LOC128092252: variants seen among roughly 807,000 people sequenced by gnomAD.
the LOC128092252 span, among the ~76,000 whole-genome samples, chr15:50,650,703 C>CA: frequency 0.16 from 23,800 of 148,280 alleles, 1,982 homozygotes; most frequent in African/African-American, 0.22. Context: ...TCAAAAAAAA[C>CA]AAAAAAAAAC....
chr15:50,657,869 G>A, the LOC128092252 span: 1 of 1,481,634 alleles, frequency 6.7e-7, no homozygotes, highest in Non-Finnish European at 9.3e-7. Flanking sequence ...AAAACTTTCT[G>A]ATTTTAAAGT....
chr15:50,654,073 C>A, the LOC128092252 span, among the ~76,000 whole-genome samples: 1 of 152,130 alleles, frequency 6.6e-6, no homozygotes, highest in Non-Finnish European at 1.5e-5. Context: ...AAGAATCTAT[C>A]AAAAATTAAT....
the LOC128092252 span, among the ~76,000 whole-genome samples, chr15:50,658,550 C>G: frequency 1.2e-4 from 17 of 143,738 alleles, no homozygotes; most frequent in African/African-American, 4.4e-4. Flanking sequence ...CCAGCCTGGG[C>G]GAAAGAGCGA....
At chr15:50,655,961 T>G in the LOC128092252 span, among the ~76,000 whole-genome samples, 7 of 149,812 alleles carry the variant, frequency 4.7e-5, no homozygotes, top group East Asian at 1.4e-3. Context: ...CTGTATGCCA[T>G]CTAGCCTGGG....
the LOC128092252 span, chr15:50,663,059 G>A: frequency 1.3e-6 from 2 of 1,598,298 alleles, no homozygotes; most frequent in Non-Finnish European, 1.7e-6. Context: ...AAAACAAAAT[G>A]TTTTAAAGAA....
the LOC128092252 span, among the ~76,000 whole-genome samples, chr15:50,650,888 T>C: frequency 2.0e-5 from 3 of 152,164 alleles, no homozygotes; most frequent in African/African-American, 4.8e-5. Context: ...TCAGCATGCA[T>C]GAAAAATTCC....
At chr15:50,649,858 A>C in the LOC128092252 span, among the ~76,000 whole-genome samples, 8 of 152,128 alleles carry the variant, frequency 5.3e-5, no homozygotes, top group Non-Finnish European at 1.0e-4. Context: ...TACAACGAGA[A>C]AGTTCCAAGT....
At chr15:50,671,026 T>G in the LOC128092252 span, among the ~76,000 whole-genome samples, 11 of 152,156 alleles carry the variant, frequency 7.2e-5, no homozygotes, top group Non-Finnish European at 1.6e-4. Flanking sequence ...ATCGAGCTAA[T>G]TATCATATAC....
At chr15:50,666,526 G>A in the LOC128092252 span, among the ~76,000 whole-genome samples, 2 of 151,896 alleles carry the variant, frequency 1.3e-5, no homozygotes, top group African/African-American at 2.4e-5. Flanking sequence ...AAAAGAGGCC[G>A]GGTGCAGTGG....
chr15:50,676,301 A>C, the LOC128092252 span, among the ~76,000 whole-genome samples: 1 of 152,216 alleles, frequency 6.6e-6, no homozygotes, highest in Non-Finnish European at 1.5e-5. Context: ...TGTGGAAATC[A>C]AATTTTTTTT....
the LOC128092252 span, among the ~76,000 whole-genome samples, chr15:50,669,750 T>C: frequency 6.6e-6 from 1 of 152,094 alleles, no homozygotes; most frequent in African/African-American, 2.4e-5. Flanking sequence ...CTTTCTCCTG[T>C]GAACCAATCA....
At chr15:50,663,870 G>GGAGGATCGCCTAAGCCGAGGAGGCT in the LOC128092252 span, among the ~76,000 whole-genome samples, 1 of 152,208 alleles carries the variant, frequency 6.6e-6, no homozygotes, top group Admixed American at 6.6e-5. Flanking sequence ...GTCTGAGGCA[G>GGAGGATCGCCTAAGCCGAGGAGGCT]GAGGATCGCC....
chr15:50,685,325 AT>A, the LOC128092252 span, among the ~76,000 whole-genome samples: 1 of 152,186 alleles, frequency 6.6e-6, no homozygotes. Context: ...TTAGCCGGGC[AT>A]GGTGGCTACA....
the LOC128092252 span, among the ~76,000 whole-genome samples, chr15:50,679,354 C>T: frequency 2.0e-5 from 3 of 149,104 alleles, no homozygotes; most frequent in Non-Finnish European, 3.0e-5. Flanking sequence ...AAACAGAAAA[C>T]TTGGACGCTT....
At chr15:50,684,554 T>G in the LOC128092252 span, among the ~76,000 whole-genome samples, 1 of 151,488 alleles carries the variant, frequency 6.6e-6, no homozygotes, top group African/African-American at 2.4e-5. Flanking sequence ...GGCAGGAGAA[T>G]CACTTGAACC....
the LOC128092252 span, among the ~76,000 whole-genome samples, chr15:50,653,030 G>A: frequency 6.6e-6 from 1 of 152,078 alleles, no homozygotes; most frequent in African/African-American, 2.4e-5. Flanking sequence ...ATGCACCTGT[G>A]GTCACAGTTA....
the LOC128092252 span, among the ~76,000 whole-genome samples, chr15:50,671,809 A>C: frequency 6.6e-6 from 1 of 152,058 alleles, no homozygotes; most frequent in Non-Finnish European, 1.5e-5. Flanking sequence ...GTCTCGAAAA[A>C]AAAAAATTCC....
the LOC128092252 span, among the ~76,000 whole-genome samples, chr15:50,669,569 T>C: frequency 6.6e-6 from 1 of 152,204 alleles, no homozygotes; most frequent in Non-Finnish European, 1.5e-5. Flanking sequence ...TTTATACAAA[T>C]AATCTGGCCA....
At chr15:50,652,771 T>C in the LOC128092252 span, among the ~76,000 whole-genome samples, 3 of 151,986 alleles carry the variant, frequency 2.0e-5, no homozygotes, top group South Asian at 4.2e-4. Flanking sequence ...GAGGCTGAGG[T>C]GGGAAGACTG....
Sources: gnomAD v4.1 joint callset for allele counts (sites outside exome capture counted in the v4.1 genomes callset) on GRCh38, gnomAD v4.1.1 for gene constraint, MANE v1.5 for transcripts.